PAMR1: variants seen among roughly 807,000 people sequenced by gnomAD.
PAMR1 encodes the protein peptidase domain containing associated with muscle regeneration 1, also known as inactive serine protease PAMR1.
In PAMR1, 88 loss-of-function variants were observed where a neutral mutation model predicts 81.8. The ratio of observed to expected loss-of-function variants is 1.08; its 90% CI spans 0.91 to 1.28. The LOEUF (loss-of-function observed/expected upper bound fraction) is 1.28. PAMR1 is among the 50% of genes most tolerant of loss of function. The probability of loss-of-function intolerance (pLI) is 0.00; values close to 1 mark genes in which losing one functional copy is unlikely to be tolerated. For synonymous variants in PAMR1, 336 were observed against 345.3 expected (o/e 0.97, Z 0.30); for missense variants, 935 against 919.7 (o/e 1.02, Z -0.21).
chr11:35,488,802 G>C (rs1454293821), intron 3 of PAMR1, among the ~76,000 whole-genome samples: 2 of 147,946 alleles, frequency 1.4e-5, no homozygotes, highest in African/African-American at 2.5e-5. Context: ...CGAACTTCTG[G>C]GCTCAAGTAA....
At chr11:35,498,501 T>G (rs1434120231) in intron 1 of PAMR1, among the ~76,000 whole-genome samples, 3 of 148,210 alleles carry the variant, frequency 2.0e-5, no homozygotes, top group Admixed American at 6.8e-5. Context: ...ATTCAGAAAC[T>G]AATAGCTTAG....
chr11:35,489,055 T>C (rs933556781), intron 3 of PAMR1, among the ~76,000 whole-genome samples: 2 of 152,182 alleles, frequency 1.3e-5, no homozygotes, highest in Non-Finnish European at 2.9e-5. Flanking sequence ...ATCTCCTTCC[T>C]GGTTTTCTCT....
intron 3 of PAMR1, among the ~76,000 whole-genome samples, chr11:35,479,095 C>T (rs1218625786): frequency 1.3e-5 from 2 of 152,108 alleles, no homozygotes; most frequent in African/African-American, 4.8e-5. Flanking sequence ...GTCTTCTTAT[C>T]TTCAGCATTT....
chr11:35,451,977 C>A, intron 6 of PAMR1: 1 of 656,104 alleles, frequency 1.5e-6, no homozygotes, highest in South Asian at 1.8e-5. Context: ...GTCACCCAGT[C>A]TATGGTATTC....
rs772226103 is a variant in PAMR1 at position 35,468,051 on chromosome 11, G to A, written c.770C>T (p.Ser257Phe). ...GCCTGCCAAGCAGGCACACTTGTAA[G>A]ATCCAGCCTTGTCAAGGACGCACGT... ...DGTCVLDKAGSYKCACLAGYT... is the reference protein window; with the variant it reads ...DGTCVLDKAGFYKCACLAGYT... The change falls in exon 6 of 11, where the codon TCT (serine) becomes TTT (phenylalanine). Residue 257 changes from serine to phenylalanine, a missense_variant. Transcript: ENST00000619888. The A allele has an allele frequency of 1.3e-6, 2 of 1,562,596 alleles. No individual in the cohort carries two copies. The highest frequency in any genetic ancestry group is 2.4e-5 in the South Asian group (2 of 84,862).
intron 1 of PAMR1, among the ~76,000 whole-genome samples, chr11:35,520,519 GCCA>G (rs1435227618): frequency 6.6e-6 from 1 of 152,206 alleles, no homozygotes; most frequent in Non-Finnish European, 1.5e-5. Context: ...TAGAGTTTCT[GCCA>G]CTGATCTGGT....
intron 1 of PAMR1, among the ~76,000 whole-genome samples, chr11:35,508,311 A>G (rs1851010098): frequency 6.6e-6 from 1 of 152,102 alleles, no homozygotes; most frequent in Non-Finnish European, 1.5e-5. Flanking sequence ...GGAGAGGGAC[A>G]TTATGGATAT....
intron 1 of PAMR1, among the ~76,000 whole-genome samples, chr11:35,505,090 TCTTA>T (rs1850926331): frequency 6.6e-6 from 1 of 152,160 alleles, no homozygotes. Flanking sequence ...TAAATTTCTT[TCTTA>T]ATTTCTTTAT....
chr11:35,514,137 C>T (rs1026132142), intron 1 of PAMR1, among the ~76,000 whole-genome samples: 7 of 152,174 alleles, frequency 4.6e-5, no homozygotes, highest in Admixed American at 6.5e-5. Flanking sequence ...CACGGCATTT[C>T]CCTACAGCCT....
At chr11:35,512,734 T>G (rs1445790066) in intron 1 of PAMR1, among the ~76,000 whole-genome samples, 1 of 152,152 alleles carries the variant, frequency 6.6e-6, no homozygotes, top group Non-Finnish European at 1.5e-5. Context: ...GGTTCATGCA[T>G]GTAACTCTAG....
At chr11:35,525,919 A>AGGAGGGGCCATAGGACCCTGGGC (rs532750512), upstream of PAMR1, 475 of 380,420 alleles carry the variant, frequency 1.2e-3, 12 homozygotes, top group Admixed American at 0.016. Context: ...GGGTGCTGGG[A>AGGAGGGGCCATAGGACCCTGGGC]GGAGGGGCCA....
Position 35,432,857 on chromosome 11 carries a change from G to T in PAMR1, c.1662C>A (p.Pro554=). The T allele has an allele frequency of 6.3e-7, 1 of 1,596,188 alleles. No homozygotes were observed. Among genetic ancestry groups the T allele is most frequent in the South Asian group, 1.1e-5 (1 of 90,194 alleles). The change falls in exon 11 of 11, where the codon CCC becomes CCA. Residue 554 remains proline, a synonymous_variant. Transcript: ENST00000619888. The part of the protein sequence containing the change: ...SAIILHPNYD[P]ILLDADIAIL... Reference sequence around the variant, plus strand: ...TGGCGATGTCAGCATCAAGCAGGATGGGGTCATAGTTGGGATGCAGAATGA... The same window carrying T: ...TGGCGATGTCAGCATCAAGCAGGATTGGGTCATAGTTGGGATGCAGAATGA...
At chr11:35,501,568 A>T (rs1442426419) in intron 1 of PAMR1, among the ~76,000 whole-genome samples, 2 of 149,970 alleles carry the variant, frequency 1.3e-5, no homozygotes, top group East Asian at 2.0e-4. Flanking sequence ...AATTATTATT[A>T]TTTTTTTTTT....
intron 6 of PAMR1, among the ~76,000 whole-genome samples, chr11:35,447,495 G>A (rs149299702): frequency 1.7e-3 from 255 of 152,172 alleles, no homozygotes; most frequent in Admixed American, 4.0e-3. Flanking sequence ...GAGCCATTGC[G>A]CCTGGCCTTC....
At chr11:35,451,167 A>T (rs1412198653) in intron 6 of PAMR1, among the ~76,000 whole-genome samples, 5 of 152,212 alleles carry the variant, frequency 3.3e-5, no homozygotes, top group African/African-American at 1.2e-4. Context: ...ATGGTCCACT[A>T]GGCTCCCACT....
chr11:35,526,685 C>A (rs925218660), upstream of PAMR1, among the ~76,000 whole-genome samples: 5 of 152,196 alleles, frequency 3.3e-5, no homozygotes, highest in African/African-American at 9.6e-5. Flanking sequence ...GGCCCACAGG[C>A]TATAGTCTTA....
intron 1 of PAMR1, among the ~76,000 whole-genome samples, chr11:35,516,551 C>T (rs1227479500): frequency 1.3e-5 from 2 of 152,148 alleles, no homozygotes; most frequent in Non-Finnish European, 2.9e-5. Context: ...AGAGAAGGCA[C>T]ACAATGCTAG....
At chr11:35,452,847 G>C (rs1165455723) in intron 6 of PAMR1, among the ~76,000 whole-genome samples, 5 of 152,076 alleles carry the variant, frequency 3.3e-5, no homozygotes, top group African/African-American at 1.2e-4. Flanking sequence ...TCTAATCATA[G>C]AGTAATATAA....
At chr11:35,516,000 C>T (rs1487811497) in intron 1 of PAMR1, among the ~76,000 whole-genome samples, 1 of 152,176 alleles carries the variant, frequency 6.6e-6, no homozygotes, top group Non-Finnish European at 1.5e-5. Context: ...TTAGTGAGAA[C>T]AGTACAAGAA....
Sources: gnomAD v4.1 joint callset for allele counts (sites outside exome capture counted in the v4.1 genomes callset) on GRCh38, gnomAD v4.1.1 for gene constraint, MANE v1.5 for transcripts, NCBI Gene and HGNC (gene_info 2026-07-23, HGNC 2026-07-21) for gene names.